Variants in VCP observed in about 807,000 individuals in gnomAD.
The protein encoded by VCP is transitional endoplasmic reticulum ATPase.
VCP carries 6 observed loss-of-function variants against 85.7 expected under a neutral mutation model. The ratio of observed to expected loss-of-function variants is 0.07; its 90% confidence interval spans 0.04 to 0.14. VCP has a LOEUF of 0.14. Among genes scored for constraint, VCP ranks in the 10% least tolerant of loss-of-function variants. VCP has a pLI of 1.00. For synonymous variants in VCP, 384 were observed against 367.1 expected (o/e 1.05, Z -0.53); for missense variants, 353 against 1,043.4 (o/e 0.34, Z 9.12).
At chr9:35,070,731 C>T (rs775015391) in intron 1 of VCP, among the ~76,000 whole-genome samples, 3 of 152,156 alleles carry the variant, frequency 2.0e-5, no homozygotes, top group East Asian at 1.9e-4. Flanking sequence ...CCACTGTGCC[C>T]GGTCAATAGT....
chr9:35,068,587 T>C (rs1828880149), intron 1 of VCP, among the ~76,000 whole-genome samples: 1 of 152,176 alleles, frequency 6.6e-6, no homozygotes. Context: ...GTCCCAGCTA[T>C]AAGGCCCCAA....
chr9:35,064,800 T>C (rs1226536541), intron 5 of VCP, among the ~76,000 whole-genome samples: 1 of 152,192 alleles, frequency 6.6e-6, no homozygotes, highest in African/African-American at 2.4e-5. Context: ...CAAGAAACAA[T>C]TAGGCCCAGA....
At chr9:35,070,945 T>TG (rs1828928891) in intron 1 of VCP, among the ~76,000 whole-genome samples, 1 of 152,164 alleles carries the variant, frequency 6.6e-6, no homozygotes, top group Non-Finnish European at 1.5e-5. Flanking sequence ...GGACACTCTT[T>TG]GGGGCAATCC....
intron 1 of VCP, 49 bp downstream of exon 1, chr9:35,072,288 G>A: frequency 2.0e-6 from 3 of 1,483,002 alleles, no homozygotes; most frequent in East Asian, 2.9e-5. Flanking sequence ...CTGCGCGGCT[G>A]GTCCCGGTGC....
rs116532976 is a variant in VCP, at chr9:35,062,881, G to A, written c.811+97C>T. ...AAATATGCTATAAACATGAAGGAGGGCATGGGTGCAAAAAGGATGTGTTCA... is the reference window on the plus strand; with the variant it reads ...AAATATGCTATAAACATGAAGGAGGACATGGGTGCAAAAAGGATGTGTTCA... On this transcript the variant is annotated intron_variant, in intron 7 of 16. Coordinates refer to ENST00000358901, the MANE Select transcript of VCP (RefSeq NM_007126.5). 771 of 1,071,786 alleles carry A rather than the reference G, an allele frequency of 7.2e-4. 3 individuals are homozygous for A. The African/African-American group carries it at 0.011, about 15-fold the overall frequency. 66.4% of individuals were successfully genotyped at this position (1,071,786 alleles called of 1,614,324 possible).
At chr9:35,065,415 G>A (rs1828809742) in intron 4 of VCP, 34 bp from the exon 5 acceptor site, 4 of 1,613,712 alleles carry the variant, frequency 2.5e-6, no homozygotes, top group East Asian at 4.5e-5. Context: ...ACAGTTAGAG[G>A]TGTCAACTAC....
Position 35,068,237 on chromosome 9 carries a change from TGGCCACAGCTTACCTG to T in VCP, c.127_129+13del. The T allele has an allele frequency of 6.2e-7, 1 of 1,613,172 alleles. No homozygotes were observed. Among genetic ancestry groups the T allele is most frequent in the Non-Finnish European group, 8.5e-7 (1 of 1,179,144 alleles). On this transcript the variant is annotated splice_donor_variant and splice_donor_5th_base_variant and coding_sequence_variant and intron_variant, in exon 2 of 17. Transcript: ENST00000358901. LOFTEE classifies it high-confidence loss of function. ...AGTGCAGTAAGGAAAGACTAGTCTG[TGGCCACAGCTTACCTG>T]GGACAAGGACACCACACTGTTGTCC... is the stretch of plus-strand genomic sequence containing the variant.
intron 1 of VCP, among the ~76,000 whole-genome samples, chr9:35,070,355 T>A (rs1350506964): frequency 1.3e-5 from 2 of 152,142 alleles, no homozygotes; most frequent in African/African-American, 2.4e-5. Context: ...AAAATACTCT[T>A]CCAGGGACTG....
intron 1 of VCP, chr9:35,072,075 G>T: frequency 7.8e-7 from 1 of 1,289,098 alleles, no homozygotes; most frequent in Non-Finnish European, 9.8e-7. Flanking sequence ...GGGCGGGCCG[G>T]GGCCTGCATG....
At chr9:35,071,745 G>C (rs1828949718) in intron 1 of VCP, 3 of 989,710 alleles carry the variant, frequency 3.0e-6, no homozygotes, top group South Asian at 4.5e-5. Context: ...GTCACACACA[G>C]AGGATGCCCA....
chr9:35,066,580 T>TG (rs1217412340), intron 4 of VCP, 95 bp downstream of exon 4: 1 of 1,373,762 alleles, frequency 7.3e-7, no homozygotes, highest in African/African-American at 1.6e-5. Flanking sequence ...GCATAAAAGA[T>TG]TTAAAAAAAA....
At position 35,057,227 on chromosome 9, in the gene VCP, G is replaced by A; in HGVS notation, c.2316-5C>T. 2 of 1,614,206 alleles carry A rather than the reference G, an allele frequency of 1.2e-6. No individual in the cohort carries two copies. Among genetic ancestry groups the A allele is most frequent in the Non-Finnish European group, 1.7e-6 (2 of 1,180,034 alleles). On this transcript the variant is annotated splice_polypyrimidine_tract_variant and splice_region_variant and intron_variant, in intron 16 of 16. Transcript: ENST00000358901. ...CCCTGGTTCCCTGAAGGGAATCTGT[G>A]TACAAGAGCAAAGCCAAAAAAGAGG... is the stretch of plus-strand genomic sequence containing the variant.
intron 7 of VCP, 88 bp downstream of exon 7, chr9:35,062,890 C>T: frequency 8.0e-7 from 1 of 1,249,692 alleles, no homozygotes; most frequent in Non-Finnish European, 1.2e-6. Context: ...GGCATGGGTG[C>T]AAAAAGGATG....
At chr9:35,071,772 C>T (rs1363162375) in intron 1 of VCP, 1 of 988,760 alleles carries the variant, frequency 1.0e-6, no homozygotes, top group East Asian at 1.1e-4. Flanking sequence ...GCCCCGCCGA[C>T]CCGGCTCCAA....
intron 6 of VCP, among the ~76,000 whole-genome samples, chr9:35,063,369 A>T (rs1199915389): frequency 6.6e-6 from 1 of 152,212 alleles, no homozygotes; most frequent in East Asian, 1.9e-4. Flanking sequence ...ATGACTAGGG[A>T]AAGGCAAGAG....
chr9:35,072,406 G>C lies in VCP; in HGVS notation c.-53C>G, dbSNP rs369830702. The stretch of plus-strand genomic sequence containing the variant: ...GTGGCGGCCCGCGGGTAACGGCTAC[G>C]AGCGGTGGCAAGCGACCGACTGGGC... On this transcript the variant is annotated 5_prime_UTR_variant, in exon 1 of 17. Coordinates refer to ENST00000358901, the MANE Select transcript of VCP (RefSeq NM_007126.5). 17 of 1,462,432 alleles carry C rather than the reference G, an allele frequency of 1.2e-5. No homozygotes were observed. The Admixed American group carries it at 1.3e-4, about 11-fold the overall frequency. The allele number at this position is 1,462,432 out of a possible 1,614,324, so 90.6% of individuals were successfully genotyped here.
rs758369238 is a variant in VCP, at chr9:35,060,265, C to T, written c.1695+48G>A. ...CTCTTAAAGAAAAACAGCCTCTATT[C>T]CTTGCCCTCAGGCAAATCAATACAT... On this transcript the variant is annotated intron_variant, in intron 13 of 16. Transcript: ENST00000358901. The T allele has an allele frequency of 4.4e-6, 7 of 1,593,672 alleles. No homozygotes were observed. The East Asian group carries it at 6.7e-5, about 15-fold the overall frequency.
At chr9:35,069,098 G>A (rs187649317) in intron 1 of VCP, among the ~76,000 whole-genome samples, 3 of 152,272 alleles carry the variant, frequency 2.0e-5, no homozygotes, top group Admixed American at 1.3e-4. Context: ...ACCTACTGAT[G>A]CCAGGGCATT....
chr9:35,057,475 G>C lies in VCP; in HGVS notation c.2216C>G (p.Ala739Gly). 6 of 1,613,996 alleles carry C rather than the reference G, an allele frequency of 3.7e-6. No homozygotes were observed. Among genetic ancestry groups the C allele is most frequent in the Non-Finnish European group, 5.1e-6 (6 of 1,180,048 alleles). ...PEIRRDHFEEAMRFARRSVSD... is the reference protein window; with the variant it reads ...PEIRRDHFEEGMRFARRSVSD... Reference sequence around the variant, plus strand: ...GACAGAACGGCGCGCAAAGCGCATGGCTTCTTCAAAGTGATCTCGACGGAT... The same window carrying C: ...GACAGAACGGCGCGCAAAGCGCATGCCTTCTTCAAAGTGATCTCGACGGAT... The change falls in exon 16 of 17, where the codon GCC (alanine) becomes GGC (glycine). Residue 739 changes from alanine to glycine, a missense_variant. Around this residue, in one of 8 missense-constraint regions of VCP, gnomAD observed 93 missense variants for 197.1 expected, o/e 0.47. Coordinates refer to ENST00000358901, the MANE Select transcript of VCP (RefSeq NM_007126.5).
Sources: allele counts gnomAD v4.1 joint callset (sites outside exome capture counted in the v4.1 genomes callset), GRCh38; gene constraint gnomAD v4.1.1; regional missense constraint gnomAD v4.1.1; transcripts MANE v1.5; gene names NCBI Gene and HGNC (gene_info 2026-07-23, HGNC 2026-07-21).